Variants in LHPP observed in about 807,000 individuals in gnomAD.
The protein encoded by LHPP is hLHPP.
Under a neutral mutation model 30.3 loss-of-function variants are expected in LHPP, and 24 were observed. The ratio of observed to expected loss-of-function variants is 0.79; its 90% CI spans 0.57 to 1.11. LHPP has a LOEUF of 1.11. Among genes scored for constraint, LHPP ranks in the 50% most tolerant of loss-of-function variants. The pLI, the probability that LHPP is intolerant of heterozygous loss-of-function variation, is 0.00. For missense variants in LHPP, 356 were observed against 367.2 expected (o/e 0.97, Z 0.25); for synonymous variants, 150 against 157.1 (o/e 0.95, Z 0.34).
chr10:124,471,182 T>C (rs997433019), intron 1 of LHPP, among the ~76,000 whole-genome samples: 1 of 151,294 alleles, frequency 6.6e-6, no homozygotes, highest in Non-Finnish European at 1.5e-5. Context: ...GATGCAGCCT[T>C]CCCTGACTCT....
At chr10:124,516,333 T>C (rs765827939) in intron 5 of LHPP, among the ~76,000 whole-genome samples, 3 of 152,208 alleles carry the variant, frequency 2.0e-5, no homozygotes, top group Non-Finnish European at 4.4e-5. Context: ...TCCCATCAGA[T>C]CAGGGCCCCC....
chr10:124,587,395 C>T (rs1948818609), intron 6 of LHPP, among the ~76,000 whole-genome samples: 1 of 151,940 alleles, frequency 6.6e-6, no homozygotes, highest in Non-Finnish European at 1.5e-5. Context: ...AAGCCATGTC[C>T]CCTCCACTTC....
intron 6 of LHPP, among the ~76,000 whole-genome samples, chr10:124,555,436 G>T (rs1948281315): frequency 6.6e-6 from 1 of 152,172 alleles, no homozygotes; most frequent in African/African-American, 2.4e-5. Flanking sequence ...CTTGTCCAAA[G>T]CCCGGCTGGG....
chr10:124,482,528 A>C (rs144002451), intron 1 of LHPP, among the ~76,000 whole-genome samples: 47 of 152,262 alleles, frequency 3.1e-4, no homozygotes, highest in African/African-American at 1.0e-3. Context: ...GCAGATGTCA[A>C]ATATGACCGC....
intron 5 of LHPP, among the ~76,000 whole-genome samples, chr10:124,506,418 A>G (rs973502992): frequency 6.6e-6 from 1 of 151,878 alleles, no homozygotes; most frequent in Non-Finnish European, 1.5e-5. Context: ...AAGCTGTGAA[A>G]CCAAAATTGT....
chr10:124,546,919 G>A (rs1006503200), intron 6 of LHPP, among the ~76,000 whole-genome samples: 4 of 151,990 alleles, frequency 2.6e-5, no homozygotes, highest in Admixed American at 6.6e-5. Context: ...TCACACACAC[G>A]CTGCTCTTTC....
At chr10:124,610,987 AGCGGGTGAGGGTGTTAATGAAGCGGGT>A (rs1419498846) in intron 6 of LHPP, among the ~76,000 whole-genome samples, 2 of 29,296 alleles carry the variant, frequency 6.8e-5, no homozygotes, top group African/African-American at 1.4e-4. Flanking sequence ...GTGCTGGTGG[AGCGGGTGAGGGTGTTAATGAAGCGGGT>A]GCGGGTGAGG....
intron 3 of LHPP, among the ~76,000 whole-genome samples, chr10:124,492,618 A>C (rs952662701): frequency 1.3e-5 from 2 of 152,202 alleles, no homozygotes; most frequent in Non-Finnish European, 2.9e-5. Flanking sequence ...TCATCCAAAA[A>C]CACCTTCACA....
Position 124,461,939 on chromosome 10 carries a change from G to A in LHPP, c.77G>A (p.Gly26Asp). Reference protein sequence around the residue: ...LDISGVLYDSGAGGGTAIAGS... With the variant: ...LDISGVLYDSDAGGGTAIAGS... Reference sequence around the variant, plus strand: ...ATCTCGGGCGTGCTGTACGACAGCGGCGCGGGCGGCGGCACGGCCATCGCC... The same window carrying A: ...ATCTCGGGCGTGCTGTACGACAGCGACGCGGGCGGCGGCACGGCCATCGCC... Residue 26 changes from glycine to aspartate, a missense_variant, in exon 1 of 7, where the codon GGC (glycine) becomes GAC (aspartate). Coordinates refer to ENST00000368842, the MANE Select transcript of LHPP (RefSeq NM_022126.4). The A allele has an allele frequency of 8.1e-7, 1 of 1,239,952 alleles. No individual in the cohort carries two copies. Among genetic ancestry groups the A allele is most frequent in the Non-Finnish European group, 1.0e-6 (1 of 987,810 alleles). 76.8% of individuals were successfully genotyped at this position (1,239,952 alleles called of 1,614,324 possible).
intron 6 of LHPP, among the ~76,000 whole-genome samples, chr10:124,571,735 C>A (rs545893200): frequency 6.6e-6 from 1 of 152,202 alleles, no homozygotes; most frequent in South Asian, 2.1e-4. Flanking sequence ...GGCTGGCCAC[C>A]CTGCCAGCAC....
intron 6 of LHPP, among the ~76,000 whole-genome samples, chr10:124,522,954 C>T (rs1315823779): frequency 6.6e-6 from 1 of 152,204 alleles, no homozygotes; most frequent in Non-Finnish European, 1.5e-5. Flanking sequence ...TATATCCCCA[C>T]CAACCTGTGT....
chr10:124,566,093 G>A (rs1214028664), intron 6 of LHPP, among the ~76,000 whole-genome samples: 4 of 152,242 alleles, frequency 2.6e-5, no homozygotes, highest in Non-Finnish European at 5.9e-5. Flanking sequence ...CCACTCCGGC[G>A]GCAGCAAGAG....
chr10:124,470,308 G>A (rs569732340), intron 1 of LHPP, among the ~76,000 whole-genome samples: 1 of 152,128 alleles, frequency 6.6e-6, no homozygotes, highest in Admixed American at 6.5e-5. Flanking sequence ...GGCCCGGCTC[G>A]GCGTTTTTGG....
intron 6 of LHPP, among the ~76,000 whole-genome samples, chr10:124,539,367 G>A (rs959831225): frequency 1.3e-4 from 20 of 152,192 alleles, no homozygotes; most frequent in Non-Finnish European, 2.4e-4. Context: ...GGCCCTGCCT[G>A]TAATCCCAGC....
At chr10:124,468,324 A>G (rs1371406002) in intron 1 of LHPP, among the ~76,000 whole-genome samples, 1 of 152,134 alleles carries the variant, frequency 6.6e-6, no homozygotes, top group East Asian at 1.9e-4. Context: ...GCTATACTGT[A>G]TACATCTAAC....
chr10:124,539,417 G>T (rs11598700), intron 6 of LHPP, among the ~76,000 whole-genome samples: 18,244 of 151,818 alleles, frequency 0.12, 1,415 homozygotes, highest in Non-Finnish European at 0.16. Context: ...TTGAGCCCAG[G>T]AGTTTGAAGC....
At position 124,505,239 on chromosome 10, in the gene LHPP, G is replaced by A. The variant is rs1245546485; in HGVS notation, c.624+7111G>A. ...TTTTAAAGCTGTATTTCAAGATAAG[G>A]CCATTTCAAATGAACTGTGTCTTAT... On this transcript the variant is annotated intron_variant, in intron 5 of 6. Coordinates refer to ENST00000368842, the MANE Select transcript of LHPP (RefSeq NM_022126.4). Among the ~76,000 whole-genome samples, 3 of 152,048 alleles carry A rather than the reference G, an allele frequency of 2.0e-5. No individual in the cohort carries two copies. In the East Asian group the frequency reaches 5.8e-4, roughly 29 times the overall value.
rs377137559 is a variant in LHPP, at chr10:124,576,487, A to ACCCCC, written c.717-36776_717-36775insCCCCC. Among the ~76,000 whole-genome samples, 2 of 141,520 alleles carry ACCCCC rather than the reference A, an allele frequency of 1.4e-5. No homozygotes were observed. The highest frequency in any genetic ancestry group is 2.7e-5 in the African/African-American group (1 of 37,384). The allele number at this position is 141,520 out of a possible 152,430, so 92.8% of individuals were successfully genotyped here. A position where few individuals can be genotyped will look rare whatever the true frequency, so the allele number is the denominator to read the frequency against. Reference sequence around the variant, plus strand: ...TCCAGAACCCCTATATCTTGCTCCCACTCCCTACCATATGCTGTTCCCAGA... The same window carrying ACCCCC: ...TCCAGAACCCCTATATCTTGCTCCCACCCCCCTCCCTACCATATGCTGTTCCCAGA... On this transcript the variant is annotated intron_variant, in intron 6 of 6. Transcript: ENST00000368842. The surrounding 1 kb of genome is among the most constrained non-coding windows in gnomAD (Gnocchi z 4.2).
At chr10:124,512,358 T>C (rs983672271) in intron 5 of LHPP, among the ~76,000 whole-genome samples, 1 of 152,156 alleles carries the variant, frequency 6.6e-6, no homozygotes, top group Non-Finnish European at 1.5e-5. Flanking sequence ...GGCTCACACC[T>C]GTAATTCCAG....
Sources: gnomAD v4.1 joint callset for allele counts (sites outside exome capture counted in the v4.1 genomes callset) on GRCh38, gnomAD v4.1.1 for gene constraint, Gnocchi (gnomAD v3.1) non-coding constraint, MANE v1.5 for transcripts, NCBI Gene and HGNC (gene_info 2026-07-23, HGNC 2026-07-21) for gene names.